The following PPM1D variants were observed in gnomAD, a reference collection of about 807,000 sequenced individuals.
PPM1D encodes the protein protein phosphatase, Mg2+/Mn2+ dependent 1D, also known as protein phosphatase 1D.
A neutral mutation model predicts 58.3 loss-of-function variants in PPM1D; 52 were observed. The observed-to-expected ratio is 0.89, with a 90% CI of 0.71 to 1.12. PPM1D has a LOEUF of 1.12. PPM1D is among the 50% of genes most tolerant of loss of function. The pLI is 0.00. For synonymous variants in PPM1D, 278 were observed against 285.1 expected (o/e 0.98, Z 0.25); for missense variants, 564 against 777.2 (o/e 0.73, Z 3.26).
chr17:60,662,059 C>T (rs757617542), intron 5 of PPM1D, among the ~76,000 whole-genome samples: 8 of 152,068 alleles, frequency 5.3e-5, no homozygotes, highest in Admixed American at 3.3e-4. Context: ...TGCAGTGGTG[C>T]GATCTCTGCT....
chr17:60,610,148 C>G (rs1303721842), intron 1 of PPM1D, among the ~76,000 whole-genome samples: 1 of 148,384 alleles, frequency 6.7e-6, no homozygotes, highest in Non-Finnish European at 1.5e-5. Context: ...CCACTGCACT[C>G]CAACCTAGCA....
chr17:60,609,055 G>C (rs977475484), intron 1 of PPM1D, among the ~76,000 whole-genome samples: 1 of 148,702 alleles, frequency 6.7e-6, no homozygotes, highest in South Asian at 2.1e-4. Context: ...CCTTTATTAT[G>C]TATATCTTTA....
chr17:60,657,186 A>AT, intron 5 of PPM1D: 1 of 942,878 alleles, frequency 1.1e-6, no homozygotes, highest in Non-Finnish European at 1.4e-6. Context: ...TTATTATTTC[A>AT]TTTTATCAGT....
intron 5 of PPM1D, among the ~76,000 whole-genome samples, chr17:60,661,059 CA>C (rs1044355548): frequency 6.2e-5 from 9 of 145,134 alleles, no homozygotes; most frequent in East Asian, 4.1e-4. Flanking sequence ...ACTAAAAATA[CA>C]AAAAAAAAAT....
At position 60,656,971 on chromosome 17, in the gene PPM1D, T is replaced by C. The variant is rs769315010; in HGVS notation, c.1260+130T>C. 5 of 1,578,772 alleles carry C rather than the reference T, an allele frequency of 3.2e-6. No homozygotes were observed. The South Asian group carries it at 4.5e-5, about 14-fold the overall frequency. On this transcript the variant is annotated intron_variant, in intron 5 of 5. Coordinates refer to ENST00000305921, the MANE Select transcript of PPM1D (RefSeq NM_003620.4). ...ACTCGATTCAAGAAAGTGATGTAAC[T>C]TATTATCAGAGAGCCATCTTTACAT...
chr17:60,626,032 A>G (rs796631204), intron 2 of PPM1D, among the ~76,000 whole-genome samples: 5 of 152,308 alleles, frequency 3.3e-5, no homozygotes, highest in African/African-American at 1.2e-4. Context: ...AATCAAATAT[A>G]TTATGGAGCT....
chr17:60,600,692 G>A lies in PPM1D; in HGVS notation c.278G>A (p.Arg93His), dbSNP rs1446153777. The A allele has an allele frequency of 2.5e-6, 4 of 1,592,156 alleles. No homozygotes were observed. The highest frequency in any genetic ancestry group is 3.4e-6 in the Non-Finnish European group (4 of 1,171,052). ...TCGCCGGCACCTAGCCGCTGCTGCC[G>A]CCGCCGTTCCTCCGTGGCCTTTTTC... is the stretch of plus-strand genomic sequence containing the variant. ...GASPAPSRCC[R>H]RRSSVAFFAV... Residue 93 changes from arginine to histidine, a missense_variant, in exon 1 of 6, where the codon CGC (arginine) becomes CAC (histidine). Physicochemically the swap from Arg to His is conservative, Grantham distance 29. Coordinates refer to ENST00000305921, the MANE Select transcript of PPM1D (RefSeq NM_003620.4).
intron 5 of PPM1D, chr17:60,662,537 G>A (rs938220344): frequency 6.4e-6 from 1 of 155,044 alleles, no homozygotes; most frequent in Non-Finnish European, 1.4e-5. Flanking sequence ...ATTACCAAAA[G>A]TAAATTAAAA....
chr17:60,661,798 A>G (rs535043605), intron 5 of PPM1D, among the ~76,000 whole-genome samples: 1 of 152,170 alleles, frequency 6.6e-6, no homozygotes, highest in East Asian at 1.9e-4. Context: ...AGTTGCTTTA[A>G]TGTTGTACTT....
At chr17:60,651,640 C>T (rs1009144264) in intron 4 of PPM1D, among the ~76,000 whole-genome samples, 1 of 152,078 alleles carries the variant, frequency 6.6e-6, no homozygotes, top group Non-Finnish European at 1.5e-5. Context: ...TCATGATCCA[C>T]CCACCTCGGC....
intron 1 of PPM1D, among the ~76,000 whole-genome samples, chr17:60,604,425 G>C (rs746441033): frequency 1.8e-4 from 28 of 152,320 alleles, no homozygotes; most frequent in Non-Finnish European, 3.7e-4. Context: ...AGTCTCTCAA[G>C]TAAAGATGAT....
chr17:60,662,877 A>C, intron 5 of PPM1D, 118 bp from the exon 6 acceptor site: 5 of 905,562 alleles, frequency 5.5e-6, no homozygotes, highest in Non-Finnish European at 6.8e-6. Context: ...GAATTAGTGA[A>C]TGCATACCCC....
intron 1 of PPM1D, among the ~76,000 whole-genome samples, chr17:60,601,209 T>A (rs1019353308): frequency 7.2e-5 from 11 of 152,294 alleles, no homozygotes; most frequent in African/African-American, 2.4e-4. Flanking sequence ...GGCGCCAGAT[T>A]TTGGCCAAAA....
intron 4 of PPM1D, among the ~76,000 whole-genome samples, chr17:60,653,496 C>A (rs1348989558): frequency 1.3e-5 from 2 of 152,104 alleles, no homozygotes; most frequent in Non-Finnish European, 2.9e-5. Flanking sequence ...GTTCTTTTGG[C>A]TTAGAATTGC....
chr17:60,661,528 A>G (rs1425387998), intron 5 of PPM1D, among the ~76,000 whole-genome samples: 1 of 152,162 alleles, frequency 6.6e-6, no homozygotes, highest in Non-Finnish European at 1.5e-5. Flanking sequence ...TATTCTGAGT[A>G]TATGTAGATT....
chr17:60,660,246 G>C (rs2031503598), intron 5 of PPM1D, among the ~76,000 whole-genome samples: 1 of 152,210 alleles, frequency 6.6e-6, no homozygotes, highest in Non-Finnish European at 1.5e-5. Context: ...TGAGGCAGGA[G>C]AATCGCTTGA....
At chr17:60,634,164 A>G (rs566445249) in intron 3 of PPM1D, among the ~76,000 whole-genome samples, 187 bp downstream of exon 3, 1 of 152,276 alleles carries the variant, frequency 6.6e-6, no homozygotes, top group East Asian at 1.9e-4. Context: ...TAATCCCAGC[A>G]CTTTGGGAGG....
At chr17:60,613,761 A>G (rs1393796183) in intron 1 of PPM1D, among the ~76,000 whole-genome samples, 2 of 152,218 alleles carry the variant, frequency 1.3e-5, no homozygotes, top group African/African-American at 4.8e-5. Flanking sequence ...CACCCGGGCC[A>G]CTAGCTGCAG....
Position 60,633,906 on chromosome 17 carries a change from C to T in PPM1D, c.755C>T (p.Thr252Ile). 1 of 1,613,898 alleles carries T rather than the reference C, an allele frequency of 6.2e-7. No homozygotes were observed. Among genetic ancestry groups the T allele is most frequent in the Non-Finnish European group, 8.5e-7 (1 of 1,179,822 alleles). The change falls in exon 3 of 6, where the codon ACT (threonine) becomes ATT (isoleucine). Residue 252 changes from threonine to isoleucine, a missense_variant. Thr to Ile is a moderately conservative substitution (Grantham distance 89). This residue lies in a region of PPM1D where 95 missense variants were observed against 232.6 expected (regional missense o/e 0.41). Coordinates refer to ENST00000305921, the MANE Select transcript of PPM1D (RefSeq NM_003620.4). The part of the protein sequence containing the change: ...NRVVWKRPRL[T>I]HNGPVRRSTV... ...GTAGTTTGGAAACGACCTCGACTCA[C>T]TCACAATGGACCTGTTAGAAGGAGC... is the stretch of plus-strand genomic sequence containing the variant.
Sources: allele counts gnomAD v4.1 joint callset (sites outside exome capture counted in the v4.1 genomes callset), GRCh38; gene constraint gnomAD v4.1.1; regional missense constraint gnomAD v4.1.1; transcripts MANE v1.5; gene names NCBI Gene and HGNC (gene_info 2026-07-23, HGNC 2026-07-21).